PRKG1: variants seen among roughly 807,000 people sequenced by gnomAD.
The protein encoded by PRKG1 is cGMP-dependent protein kinase 1.
PRKG1 carries 35 observed loss-of-function variants against 88.1 expected under a neutral mutation model. The ratio of observed to expected loss-of-function variants is 0.40; its 90% CI spans 0.30 to 0.53. The LOEUF is 0.53. Among genes scored for constraint, PRKG1 ranks in the 20% least tolerant of loss-of-function variants. PRKG1 has a pLI of 0.59. For missense variants in PRKG1, 540 were observed against 839.8 expected (o/e 0.64, Z 4.41); for synonymous variants, 303 against 292.5 (o/e 1.04, Z -0.37).
intron 4 of PRKG1, among the ~76,000 whole-genome samples, chr10:51,848,557 A>G (rs1840462262): frequency 6.6e-6 from 1 of 152,078 alleles, no homozygotes; most frequent in Admixed American, 6.6e-5. Flanking sequence ...ATATGTTTTC[A>G]TATGAATGTA....
At chr10:51,609,654 A>G (rs1838853758) in intron 3 of PRKG1, among the ~76,000 whole-genome samples, 2 of 152,236 alleles carry the variant, frequency 1.3e-5, no homozygotes, top group South Asian at 4.1e-4. Flanking sequence ...ATTACTATGC[A>G]GCCATAAAAA....
At chr10:51,784,270 A>G (rs1589283752) in intron 3 of PRKG1, among the ~76,000 whole-genome samples, 1 of 151,986 alleles carries the variant, frequency 6.6e-6, no homozygotes, top group African/African-American at 2.4e-5. Flanking sequence ...TCTTTATGCC[A>G]TTGTGTCTAG....
At chr10:51,947,267 C>A (rs947781156) in intron 5 of PRKG1, among the ~76,000 whole-genome samples, 2 of 152,166 alleles carry the variant, frequency 1.3e-5, no homozygotes, top group Non-Finnish European at 2.9e-5. Context: ...CCCTCGGAGC[C>A]AGGTGTGGGA....
At chr10:51,381,707 A>T (rs1044031243) in intron 2 of PRKG1, among the ~76,000 whole-genome samples, 1 of 152,242 alleles carries the variant, frequency 6.6e-6, no homozygotes, top group African/African-American at 2.4e-5. Flanking sequence ...AAAACATTAC[A>T]TGTATACCAT....
chr10:51,019,472 T>C, intron 1 of PRKG1, among the ~76,000 whole-genome samples: 1 of 152,250 alleles, frequency 6.6e-6, no homozygotes, highest in Non-Finnish European at 1.5e-5. Context: ...GGTCCTTACC[T>C]AACACCATAT....
Position 51,608,880 on chromosome 10 carries a change from C to T in PRKG1, c.592+141044C>T, listed in dbSNP as rs114517891. Among the ~76,000 whole-genome samples, 1,132 of 151,630 alleles carry T rather than the reference C, an allele frequency of 7.5e-3. 12 individuals are homozygous for T. The highest frequency in any genetic ancestry group is 0.026 in the African/African-American group (1,063 of 41,328). On this transcript the variant is annotated intron_variant, in intron 3 of 17. Transcript: ENST00000373980. ...TGTGTATTTATGTCTTAGTTTTTAA[C>T]AACAACAACAAAAAAGTAAACAAAC...
At chr10:52,136,205 G>A (rs1238379303) in intron 8 of PRKG1, among the ~76,000 whole-genome samples, 1 of 152,084 alleles carries the variant, frequency 6.6e-6, no homozygotes, top group South Asian at 2.1e-4. Context: ...CAAGTATCCA[G>A]GAAGTTGGAG....
intron 2 of PRKG1, among the ~76,000 whole-genome samples, chr10:51,251,494 A>G (rs1382088413): frequency 6.6e-6 from 1 of 151,840 alleles, no homozygotes; most frequent in Non-Finnish European, 1.5e-5. Context: ...TTATATCTGC[A>G]TATTTTAAAT....
chr10:52,009,414 C>T (rs913055456), intron 5 of PRKG1, among the ~76,000 whole-genome samples: 2 of 152,070 alleles, frequency 1.3e-5, no homozygotes, highest in African/African-American at 4.8e-5. Context: ...GAGTGAAATT[C>T]CATTCATGAC....
chr10:51,586,989 A>G (rs1269658602), intron 3 of PRKG1, among the ~76,000 whole-genome samples: 2 of 152,162 alleles, frequency 1.3e-5, no homozygotes, highest in African/African-American at 4.8e-5. Context: ...TTTTATAAAT[A>G]CAAATATAAG....
intron 1 of PRKG1, among the ~76,000 whole-genome samples, chr10:51,115,811 G>C (rs1235923991): frequency 6.7e-6 from 1 of 149,708 alleles, no homozygotes; most frequent in East Asian, 2.0e-4. Context: ...ACTCCAGCCT[G>C]GATGACAGAG....
At chr10:51,182,892 T>C (rs1407592643) in intron 2 of PRKG1, among the ~76,000 whole-genome samples, 1 of 152,180 alleles carries the variant, frequency 6.6e-6, no homozygotes, top group Non-Finnish European at 1.5e-5. Context: ...TCCTTGCTCC[T>C]GGGAATGGGC....
At chr10:51,486,808 C>T (rs1840556556) in intron 3 of PRKG1, among the ~76,000 whole-genome samples, 1 of 151,936 alleles carries the variant, frequency 6.6e-6, no homozygotes, top group Admixed American at 6.6e-5. Flanking sequence ...AGGATTTTAC[C>T]TTCTAAATCA....
intron 5 of PRKG1, among the ~76,000 whole-genome samples, chr10:52,009,497 C>T (rs143608938): frequency 6.0e-4 from 92 of 152,082 alleles, no homozygotes; most frequent in African/African-American, 2.0e-3. Context: ...ATGGTAATTA[C>T]AAAACACTGC....
intron 1 of PRKG1, among the ~76,000 whole-genome samples, chr10:51,083,928 G>A (rs1437811503): frequency 2.0e-5 from 3 of 152,068 alleles, no homozygotes; most frequent in Admixed American, 6.6e-5. Flanking sequence ...ACCTTCTCAG[G>A]TGAGGATCAG....
chr10:51,248,723 T>C (rs1157590274), intron 2 of PRKG1, among the ~76,000 whole-genome samples: 1 of 151,764 alleles, frequency 6.6e-6, no homozygotes, highest in Admixed American at 6.6e-5. Flanking sequence ...TAAAAGTGCA[T>C]GGAAAATTGT....
intron 3 of PRKG1, among the ~76,000 whole-genome samples, chr10:51,714,351 A>G (rs1000426249): frequency 1.3e-5 from 2 of 152,160 alleles, no homozygotes; most frequent in Non-Finnish European, 2.9e-5. Flanking sequence ...TAGAGAGGGA[A>G]AGAGTGTCTA....
intron 3 of PRKG1, among the ~76,000 whole-genome samples, chr10:51,636,229 ATT>A (rs1357452574): frequency 5.3e-5 from 8 of 152,094 alleles, no homozygotes; most frequent in Non-Finnish European, 8.8e-5. Context: ...TTGACAATTG[ATT>A]TTAGAAGAGG....
rs115902748 is a variant in PRKG1 at position 51,861,803 on chromosome 10, C to T, written c.699-45704C>T. Among the ~76,000 whole-genome samples, 787 of 152,330 alleles carry T rather than the reference C, an allele frequency of 5.2e-3. 5 individuals are homozygous for T. The highest frequency in any genetic ancestry group is 0.018 in the African/African-American group (755 of 41,576). ...TCTGTTGTCATCCTGACACAGGATC[C>T]TCTCAGTGCCCTTTTGCCAGCCGGA... On this transcript the variant is annotated intron_variant, in intron 4 of 17. Coordinates refer to ENST00000373980, the MANE Select transcript of PRKG1 (RefSeq NM_006258.4).
Sources: gnomAD v4.1 joint callset for allele counts (sites outside exome capture counted in the v4.1 genomes callset) on GRCh38, gnomAD v4.1.1 for gene constraint, MANE v1.5 for transcripts, NCBI Gene and HGNC (gene_info 2026-07-23, HGNC 2026-07-21) for gene names.